Variants in GNA14 observed in about 807,000 individuals in gnomAD.
GNA14 encodes G protein subunit alpha 14.
Under a neutral mutation model 42.0 loss-of-function variants are expected in GNA14, and 50 were observed. The ratio of observed to expected loss-of-function variants is 1.19; its 90% CI spans 0.95 to 1.51. The LOEUF (loss-of-function observed/expected upper bound fraction) is 1.51. Among genes scored for constraint, GNA14 ranks in the 40% most tolerant of loss-of-function variants. GNA14 has a pLI of 0.00. For synonymous variants in GNA14, 173 were observed against 163.1 expected (o/e 1.06, Z -0.46); for missense variants, 473 against 446.2 (o/e 1.06, Z -0.54).
chr9:77,486,596 T>C (rs781455187), intron 2 of GNA14, among the ~76,000 whole-genome samples: 2 of 152,248 alleles, frequency 1.3e-5, no homozygotes, highest in Admixed American at 6.5e-5. Flanking sequence ...TAATCATTTC[T>C]AGCTTTTGAT....
chr9:77,637,104 T>A (rs1487056305), intron 1 of GNA14, among the ~76,000 whole-genome samples: 1 of 152,132 alleles, frequency 6.6e-6, no homozygotes, highest in Non-Finnish European at 1.5e-5. Context: ...AGGTAAAACA[T>A]ACATTTACTG....
At chr9:77,586,730 T>C (rs966820866) in intron 1 of GNA14, among the ~76,000 whole-genome samples, 6 of 152,184 alleles carry the variant, frequency 3.9e-5, no homozygotes, top group Admixed American at 6.5e-5. Context: ...ATTTACATAG[T>C]GCGTGAAGAA....
chr9:77,603,014 T>C (rs1266256085), intron 1 of GNA14, among the ~76,000 whole-genome samples: 3 of 152,220 alleles, frequency 2.0e-5, no homozygotes, highest in Non-Finnish European at 2.9e-5. Flanking sequence ...CTCTTTTTTG[T>C]CTTCATTAAA....
intron 1 of GNA14, among the ~76,000 whole-genome samples, chr9:77,599,572 T>C (rs756814537): frequency 5.9e-5 from 9 of 152,202 alleles, no homozygotes; most frequent in Non-Finnish European, 1.3e-4. Flanking sequence ...TTGATAGTCA[T>C]ACAGAAAACA....
At chr9:77,647,269 A>G (rs879489356) in intron 1 of GNA14, among the ~76,000 whole-genome samples, 11 of 152,232 alleles carry the variant, frequency 7.2e-5, no homozygotes, top group African/African-American at 1.2e-4. Flanking sequence ...TGCTTCATCT[A>G]GAACTGAAAG....
chr9:77,586,372 T>C (rs2117873600), intron 1 of GNA14, among the ~76,000 whole-genome samples: 1 of 152,230 alleles, frequency 6.6e-6, no homozygotes. Context: ...TAAAGATATA[T>C]AGTCAACAAG....
intron 1 of GNA14, among the ~76,000 whole-genome samples, chr9:77,551,764 C>T (rs987892704): frequency 6.6e-6 from 1 of 151,860 alleles, no homozygotes; most frequent in African/African-American, 2.4e-5. Flanking sequence ...AAAAAAAAAT[C>T]CTTTTCATTC....
intron 2 of GNA14, among the ~76,000 whole-genome samples, chr9:77,496,346 A>G (rs1214143434): frequency 6.6e-6 from 1 of 152,216 alleles, no homozygotes; most frequent in Non-Finnish European, 1.5e-5. Context: ...AGGACATAAA[A>G]TAGGAATTCT....
intron 2 of GNA14, among the ~76,000 whole-genome samples, chr9:77,510,856 C>T (rs552269583): frequency 7.2e-5 from 11 of 152,114 alleles, no homozygotes; most frequent in Non-Finnish European, 8.8e-5. Context: ...AGAGGGAAGA[C>T]GCTGGTTGCC....
At chr9:77,592,191 C>T (rs1218286169) in intron 1 of GNA14, among the ~76,000 whole-genome samples, 5 of 152,122 alleles carry the variant, frequency 3.3e-5, no homozygotes, top group African/African-American at 9.7e-5. Flanking sequence ...CGTGAGCCAC[C>T]GTGCCTGGCC....
intron 2 of GNA14, among the ~76,000 whole-genome samples, chr9:77,440,729 T>C (rs1835718248): frequency 1.3e-5 from 2 of 152,170 alleles, no homozygotes; most frequent in Admixed American, 6.5e-5. Flanking sequence ...TCTTTTTTCT[T>C]TTTTTGAGAT....
intron 1 of GNA14, among the ~76,000 whole-genome samples, chr9:77,561,626 G>C (rs1822884709): frequency 6.6e-6 from 1 of 152,164 alleles, no homozygotes; most frequent in African/African-American, 2.4e-5. Context: ...ATTATATGAG[G>C]GGAATGGAGA....
intron 2 of GNA14, among the ~76,000 whole-genome samples, chr9:77,498,905 A>G (rs1383248256): frequency 6.6e-6 from 1 of 152,172 alleles, no homozygotes; most frequent in East Asian, 1.9e-4. Context: ...TCCATTCTAT[A>G]AAGGTTCCTG....
At chr9:77,533,738 C>G (rs969428691) in intron 1 of GNA14, among the ~76,000 whole-genome samples, 6 of 152,210 alleles carry the variant, frequency 3.9e-5, no homozygotes, top group African/African-American at 7.2e-5. Context: ...CCCCTCTCCC[C>G]CTAAACTTGA....
intron 1 of GNA14, among the ~76,000 whole-genome samples, chr9:77,560,211 C>G (rs963083375): frequency 3.3e-5 from 5 of 150,994 alleles, no homozygotes; most frequent in Non-Finnish European, 7.4e-5. Context: ...AAGTTTTATA[C>G]GTTAAAGCAG....
intron 1 of GNA14, among the ~76,000 whole-genome samples, chr9:77,601,850 C>G (rs541616761): frequency 6.6e-6 from 1 of 152,334 alleles, no homozygotes; most frequent in African/African-American, 2.4e-5. Context: ...GCCCTCCACT[C>G]TTGGTAACAA....
rs989794828 is a variant in GNA14, at chr9:77,526,295, C to T, written c.309+2774G>A. ...GGAATGGGTTGACTTTTAGGGATGT[C>T]GGGATGGAGTAGATGTATGTTGTAC... is the stretch of plus-strand genomic sequence containing the variant. On this transcript the variant is annotated intron_variant, in intron 2 of 6. Transcript: ENST00000341700. Among the ~76,000 whole-genome samples, 8 of 151,944 alleles carry T rather than the reference C, an allele frequency of 5.3e-5. No homozygotes were observed. In the East Asian group the frequency reaches 5.8e-4, roughly 11 times the overall value.
intron 1 of GNA14, among the ~76,000 whole-genome samples, chr9:77,637,586 G>A (rs887986911): frequency 6.6e-6 from 1 of 152,250 alleles, no homozygotes; most frequent in Non-Finnish European, 1.5e-5. Context: ...GCTGGGTGCA[G>A]TGGCTCATGC....
intron 2 of GNA14, among the ~76,000 whole-genome samples, chr9:77,493,020 A>AT (rs1466048683): frequency 1.2e-5 from 1 of 80,662 alleles, no homozygotes; most frequent in Admixed American, 1.2e-4. Context: ...AAAAAAAAAA[A>AT]AAAAAAATAT....
Sources: allele counts gnomAD v4.1 joint callset (sites outside exome capture counted in the v4.1 genomes callset), GRCh38; gene constraint gnomAD v4.1.1; transcripts MANE v1.5; gene names NCBI Gene and HGNC (gene_info 2026-07-23, HGNC 2026-07-21).